UBE4B: variants seen among roughly 807,000 people sequenced by gnomAD.
UBE4B encodes ubiquitination factor E4B.
In UBE4B, 27 loss-of-function variants were observed where a neutral mutation model predicts 148.1. The observed-to-expected ratio is 0.18, with a 90% CI of 0.13 to 0.25. The LOEUF (loss-of-function observed/expected upper bound fraction) is 0.25, where lower values mean the gene tolerates loss of function less well. Among genes scored for constraint, UBE4B ranks in the 10% least tolerant of loss-of-function variants. The pLI is 1.00. For synonymous variants in UBE4B, 596 were observed against 619.3 expected (o/e 0.96, Z 0.56); for missense variants, 1,170 against 1,662.4 (o/e 0.70, Z 5.15).
intron 1 of UBE4B, among the ~76,000 whole-genome samples, chr1:10,062,592 G>GT (rs1644306580): frequency 6.6e-6 from 1 of 152,096 alleles, no homozygotes; most frequent in Admixed American, 6.6e-5. Context: ...GGCTGCAGGC[G>GT]TAAGCCGCTG....
intron 16 of UBE4B, among the ~76,000 whole-genome samples, 166 bp from the exon 17 acceptor site, chr1:10,136,901 C>T (rs559527981): frequency 2.9e-4 from 44 of 152,082 alleles, no homozygotes; most frequent in African/African-American, 5.1e-4. Flanking sequence ...GCCTGGGTGA[C>T]GAGAGCAAAA....
chr1:10,104,042 G>C (rs1030702399), intron 5 of UBE4B, among the ~76,000 whole-genome samples: 3 of 152,138 alleles, frequency 2.0e-5, no homozygotes, highest in Admixed American at 6.6e-5. Flanking sequence ...TTACAGGCTT[G>C]AGCCACCGAG....
intron 1 of UBE4B, among the ~76,000 whole-genome samples, chr1:10,071,147 C>T (rs1311762704): frequency 6.6e-6 from 1 of 152,196 alleles, no homozygotes; most frequent in Non-Finnish European, 1.5e-5. Context: ...CCTCGTGATC[C>T]TCCTGCCTCA....
At chr1:10,167,415 G>A (rs1392253581) in intron 23 of UBE4B, among the ~76,000 whole-genome samples, 3 of 149,658 alleles carry the variant, frequency 2.0e-5, no homozygotes, top group African/African-American at 7.5e-5. Flanking sequence ...CTCCAGCCTG[G>A]GCAACAAGCG....
At position 10,126,890 on chromosome 1, in the gene UBE4B, T is replaced by G. The variant is rs1406393424; in HGVS notation, c.1638+13T>G. 6.2e-7 allele frequency: 1 copy of G among 1,606,066 alleles called. No homozygotes were observed. Among genetic ancestry groups the G allele is most frequent in the East Asian group, 2.2e-5 (1 of 44,828 alleles). On this transcript the variant is annotated intron_variant, in intron 11 of 27. Transcript: ENST00000343090. ...ATACCCCCTCATGGTAAAACTTTGT[T>G]CTTTTTCTTTAACTCATTCAATAGA...
At chr1:10,065,894 A>T (rs1412999388) in intron 1 of UBE4B, among the ~76,000 whole-genome samples, 1 of 152,208 alleles carries the variant, frequency 6.6e-6, no homozygotes, top group Non-Finnish European at 1.5e-5. Context: ...TGGAATCATT[A>T]TGTGTACCCT....
chr1:10,069,452 G>T (rs1173942831), intron 1 of UBE4B, among the ~76,000 whole-genome samples: 1 of 152,192 alleles, frequency 6.6e-6, no homozygotes, highest in African/African-American at 2.4e-5. Flanking sequence ...ATGTCATAGG[G>T]CAGATCAGAG....
chr1:10,114,021 T>A (rs1645264158), intron 7 of UBE4B, among the ~76,000 whole-genome samples: 1 of 141,266 alleles, frequency 7.1e-6, no homozygotes, highest in African/African-American at 2.7e-5. Context: ...GCCGAGATTG[T>A]GCCACTGCAC....
chr1:10,096,342 A>C (rs933453897), intron 3 of UBE4B, among the ~76,000 whole-genome samples: 2 of 151,582 alleles, frequency 1.3e-5, no homozygotes, highest in Non-Finnish European at 2.9e-5. Flanking sequence ...TGAGGTATTG[A>C]CTCCTTTCAT....
intron 11 of UBE4B, chr1:10,128,915 A>G (rs1264533989): frequency 6.5e-6 from 1 of 152,840 alleles, no homozygotes; most frequent in East Asian, 1.9e-4. Flanking sequence ...AAATCTTGAA[A>G]CCAAGTTATG....
Position 10,149,244 on chromosome 1 carries a change from T to C in UBE4B, c.2652T>C (p.Tyr884=). The change falls in exon 20 of 28, where the codon TAT becomes TAC. Residue 884 remains tyrosine, a synonymous_variant. Coordinates refer to ENST00000343090, the MANE Select transcript of UBE4B (RefSeq NM_001105562.3). ...PKVFAALPEF[Y]VEDVAEFLFF... ...TATTTGCAGCGTTGCCTGAGTTTTA[T>C]GTAGAAGATGTTGCAGAATTTTTAT... 1 of 1,611,800 alleles carries C rather than the reference T, an allele frequency of 6.2e-7. No homozygotes were observed. Among genetic ancestry groups the C allele is most frequent in the Non-Finnish European group, 8.5e-7 (1 of 1,179,398 alleles).
intron 2 of UBE4B, among the ~76,000 whole-genome samples, chr1:10,079,935 G>C (rs944351664): frequency 6.6e-6 from 1 of 152,122 alleles, no homozygotes; most frequent in Non-Finnish European, 1.5e-5. Flanking sequence ...TGAGAGCTAG[G>C]GATGCAGGAT....
chr1:10,091,256 AGACTTGGCTTCCT>A (rs1320651257), intron 2 of UBE4B, among the ~76,000 whole-genome samples: 3 of 152,216 alleles, frequency 2.0e-5, no homozygotes, highest in Non-Finnish European at 1.5e-5. Flanking sequence ...GTATTCCTTG[AGACTTGGCTTCCT>A]GACCATGATT....
chr1:10,107,953 A>C (rs941651725), intron 7 of UBE4B, among the ~76,000 whole-genome samples: 1 of 152,120 alleles, frequency 6.6e-6, no homozygotes, highest in Non-Finnish European at 1.5e-5. Flanking sequence ...AAGCATGAAA[A>C]CAGATTAAAG....
intron 1 of UBE4B, 57 bp downstream of exon 1, chr1:10,033,751 A>C (rs1643393850): frequency 6.7e-7 from 1 of 1,499,130 alleles, no homozygotes; most frequent in Non-Finnish European, 8.9e-7. Context: ...AGCGCTTTGG[A>C]CAGGGATGGT....
At chr1:10,059,652 G>A (rs1570799407) in intron 1 of UBE4B, 5 of 162,574 alleles carry the variant, frequency 3.1e-5, no homozygotes, top group African/African-American at 9.5e-5. Context: ...GGGCAAGGCC[G>A]AGGCGTGAAG....
chr1:10,098,251 T>C (rs1250284512), intron 3 of UBE4B, among the ~76,000 whole-genome samples: 1 of 152,232 alleles, frequency 6.6e-6, no homozygotes, highest in Non-Finnish European at 1.5e-5. Flanking sequence ...CAAGGATGCA[T>C]TGATATTAGA....
chr1:10,154,022 C>T lies in UBE4B; in HGVS notation c.2926+2461C>T, dbSNP rs771720345. 7.2e-5 allele frequency among the ~76,000 whole-genome samples: 11 copies of T among 152,090 alleles called. No individual in the cohort carries two copies. In the East Asian group the frequency reaches 1.5e-3, roughly 21 times the overall value. On this transcript the variant is annotated intron_variant, in intron 21 of 27. Coordinates refer to ENST00000343090, the MANE Select transcript of UBE4B (RefSeq NM_001105562.3). ...ACTTGAACCCGCGAGGCAGAGGTTACGGTGAGCCAAGATCGCGCCATTGTA... is the reference window on the plus strand; with the variant it reads ...ACTTGAACCCGCGAGGCAGAGGTTATGGTGAGCCAAGATCGCGCCATTGTA...
chr1:10,131,177 A>C (rs891528377), intron 14 of UBE4B, among the ~76,000 whole-genome samples: 2 of 152,138 alleles, frequency 1.3e-5, no homozygotes, highest in Admixed American at 1.3e-4. Flanking sequence ...TCAATTCTCA[A>C]ACTTAAAGGC....
Sources: gnomAD v4.1 joint callset for allele counts (sites outside exome capture counted in the v4.1 genomes callset) on GRCh38, gnomAD v4.1.1 for gene constraint, MANE v1.5 for transcripts, NCBI Gene and HGNC (gene_info 2026-07-23, HGNC 2026-07-21) for gene names.